The following ATP9B variants were observed in gnomAD, a reference collection of about 807,000 sequenced individuals.
The protein encoded by ATP9B is probable phospholipid-transporting ATPase IIB.
ATP9B carries 110 observed loss-of-function variants against 146.1 expected under a neutral mutation model. That is an observed-to-expected ratio of 0.75 (90% CI 0.65 to 0.88). The LOEUF (loss-of-function observed/expected upper bound fraction) is 0.88, where lower values mean the gene tolerates loss of function less well. Ranked by LOEUF, ATP9B falls within the 40% of genes least tolerant of loss-of-function variation. ATP9B has a pLI of 0.00. For missense variants in ATP9B, 1,499 were observed against 1,496.4 expected (o/e 1.00, Z -0.03); for synonymous variants, 604 against 569.7 (o/e 1.06, Z -0.86).
intron 15 of ATP9B, among the ~76,000 whole-genome samples, chr18:79,308,374 G>A (rs2096630843): frequency 1.3e-5 from 2 of 152,162 alleles, no homozygotes; most frequent in African/African-American, 2.4e-5. Context: ...GTTAGAGCCG[G>A]GAAGTGGAGG....
chr18:79,109,553 G>T (rs542421910), intron 2 of ATP9B, among the ~76,000 whole-genome samples: 324 of 150,398 alleles, frequency 2.2e-3, no homozygotes, highest in African/African-American at 7.6e-3. Context: ...TTAAATATTG[G>T]ATTGAGCTGT....
chr18:79,157,187 C>G (rs370011646), intron 7 of ATP9B, among the ~76,000 whole-genome samples: 4 of 148,096 alleles, frequency 2.7e-5, no homozygotes, highest in Admixed American at 6.8e-5. Flanking sequence ...ATGGCAAAAC[C>G]CCGTCTCTAC....
intron 7 of ATP9B, among the ~76,000 whole-genome samples, chr18:79,164,810 T>G (rs528678493): frequency 1.3e-5 from 2 of 152,176 alleles, no homozygotes; most frequent in Non-Finnish European, 2.9e-5. Context: ...TAGTTGAAAA[T>G]GCATCAGCTA....
intron 12 of ATP9B, chr18:79,253,868 A>G (rs1040118565): frequency 9.8e-6 from 2 of 203,092 alleles, no homozygotes; most frequent in African/African-American, 4.7e-5. Flanking sequence ...AGACTTTTAA[A>G]TGTCCAGTGC....
intron 9 of ATP9B, among the ~76,000 whole-genome samples, chr18:79,201,835 AG>A: frequency 6.6e-6 from 1 of 152,164 alleles, no homozygotes; most frequent in Middle Eastern, 3.2e-3. Context: ...CTGGGATTAC[AG>A]GCGTGAGTCA....
At chr18:79,327,506 C>CTCCATGGTTAGCGTGT (rs1568696507) in intron 15 of ATP9B, among the ~76,000 whole-genome samples, 13 of 135,248 alleles carry the variant, frequency 9.6e-5, no homozygotes, top group African/African-American at 3.9e-4. Flanking sequence ...TTAGTGTGCT[C>CTCCATGGTTAGCGTGT]TCTCCATGGT....
chr18:79,269,983 G>A (rs1053781685), intron 12 of ATP9B, among the ~76,000 whole-genome samples: 6 of 152,148 alleles, frequency 3.9e-5, no homozygotes, highest in African/African-American at 1.4e-4. Context: ...TCCTCCTTGC[G>A]GCCTTTAGCC....
chr18:79,204,152 A>C (rs1460923946), intron 9 of ATP9B, among the ~76,000 whole-genome samples: 1 of 152,232 alleles, frequency 6.6e-6, no homozygotes, highest in African/African-American at 2.4e-5. Context: ...CTTTAGTTAT[A>C]AACAAAGTAA....
rs2094284503 is a variant in ATP9B, at chr18:79,126,247, T to C, written c.559-20T>C. 2 of 1,564,484 alleles carry C rather than the reference T, an allele frequency of 1.3e-6. No individual in the cohort carries two copies. Among genetic ancestry groups the C allele is most frequent in the South Asian group, 2.4e-5 (2 of 83,342 alleles). On this transcript the variant is annotated intron_variant, in intron 4 of 29. Transcript: ENST00000426216. ...TTGTTAAAGTTTAGTTTTCTAAAAA[T>C]ACCTTATTTTGTTTTATAGGGATTT...
chr18:79,211,417 G>A (rs997219394), intron 10 of ATP9B, among the ~76,000 whole-genome samples: 1 of 152,192 alleles, frequency 6.6e-6, no homozygotes, highest in Non-Finnish European at 1.5e-5. Flanking sequence ...GGACATGATA[G>A]GGTTGGACTA....
chr18:79,349,124 A>T (rs1053536367), intron 25 of ATP9B, among the ~76,000 whole-genome samples: 4 of 152,206 alleles, frequency 2.6e-5, no homozygotes, highest in Admixed American at 6.5e-5. Context: ...AATAGGTGGG[A>T]ATTTCTCTTT....
intron 13 of ATP9B, among the ~76,000 whole-genome samples, chr18:79,284,895 TTTA>T: frequency 6.6e-6 from 1 of 151,948 alleles, no homozygotes. Context: ...CTTGCGATAG[TTTA>T]TTGAGAATGA....
At chr18:79,102,032 G>A (rs1259386116) in intron 2 of ATP9B, among the ~76,000 whole-genome samples, 1 of 151,812 alleles carries the variant, frequency 6.6e-6, no homozygotes, top group Non-Finnish European at 1.5e-5. Context: ...TGCAACTTCC[G>A]CCTCCTGGGT....
At chr18:79,074,624 T>A (rs2072381203) in intron 1 of ATP9B, among the ~76,000 whole-genome samples, 1 of 152,222 alleles carries the variant, frequency 6.6e-6, no homozygotes, top group Non-Finnish European at 1.5e-5. Context: ...ACTGCCCAGA[T>A]GCCCCGGTAT....
At chr18:79,259,933 A>G (rs2145258279) in intron 12 of ATP9B, among the ~76,000 whole-genome samples, 1 of 152,270 alleles carries the variant, frequency 6.6e-6, no homozygotes, top group South Asian at 2.1e-4. Context: ...ACTTCTTTAG[A>G]CCTAGATTTG....
intron 5 of ATP9B, among the ~76,000 whole-genome samples, chr18:79,143,357 G>C (rs1405896703): frequency 6.6e-6 from 1 of 152,204 alleles, no homozygotes; most frequent in Non-Finnish European, 1.5e-5. Flanking sequence ...GCTATTGATA[G>C]AGGGTGATTT....
chr18:79,072,215 G>A (rs1318511313), intron 1 of ATP9B, among the ~76,000 whole-genome samples: 2 of 151,530 alleles, frequency 1.3e-5, no homozygotes, highest in Non-Finnish European at 2.9e-5. Flanking sequence ...ATTTGGCAGG[G>A]TCATAGGACA....
chr18:79,369,079 C>G (rs149890560), intron 26 of ATP9B, among the ~76,000 whole-genome samples: 1 of 152,256 alleles, frequency 6.6e-6, no homozygotes, highest in East Asian at 1.9e-4. Context: ...CTCCACACTC[C>G]CAAACTTCTC....
intron 9 of ATP9B, among the ~76,000 whole-genome samples, chr18:79,204,444 T>A (rs1156979521): frequency 6.6e-6 from 1 of 152,222 alleles, no homozygotes; most frequent in Non-Finnish European, 1.5e-5. Context: ...ACTCTTCCTT[T>A]TAAGTTCTTT....
Sources: allele counts gnomAD v4.1 joint callset (sites outside exome capture counted in the v4.1 genomes callset), GRCh38; gene constraint gnomAD v4.1.1; transcripts MANE v1.5; gene names NCBI Gene and HGNC (gene_info 2026-07-23, HGNC 2026-07-21).